AGAP1: variants seen among roughly 807,000 people sequenced by gnomAD.
AGAP1 encodes ArfGAP with GTPase domain, ankyrin repeat and PH domain 1, also known as arf-GAP with GTPase, ANK repeat and PH domain-containing protein 1.
AGAP1 carries 29 observed loss-of-function variants against 105.3 expected under a neutral mutation model. That is an observed-to-expected ratio of 0.28 (90% CI 0.21 to 0.38). The LOEUF (loss-of-function observed/expected upper bound fraction) is 0.38. AGAP1 is among the 10% of genes least tolerant of loss of function. The pLI, the probability that AGAP1 is intolerant of heterozygous loss-of-function variation, is 1.00. For synonymous variants in AGAP1, 509 were observed against 485.9 expected, an observed-to-expected ratio of 1.05 and a Z score of -0.63; for missense variants, 998 against 1,165.1, an observed-to-expected ratio of 0.86 and a Z score of 2.09.
rs148965437 is a variant in AGAP1 at position 235,747,992 on chromosome 2, G to A, written c.539-2362G>A. Among the ~76,000 whole-genome samples, 129 of 152,368 alleles carry A rather than the reference G, an allele frequency of 8.5e-4. 3 individuals carry two copies. In the East Asian group the frequency reaches 0.02, roughly 23 times the overall value. ...GAGCTCTTTCTGGGCAGTAGCCAAG[G>A]ACTGCACGAATGTTCATAATTGGGC... On this transcript the variant is annotated intron_variant, in intron 5 of 17. Coordinates refer to ENST00000304032, the MANE Select transcript of AGAP1 (RefSeq NM_001037131.3). The surrounding 1 kb of genome is among the most constrained non-coding windows in gnomAD (Gnocchi z 5.0).
chr2:235,513,296 A>G (rs1034344038), intron 1 of AGAP1, among the ~76,000 whole-genome samples: 1 of 151,948 alleles, frequency 6.6e-6, no homozygotes, highest in Admixed American at 6.6e-5. Flanking sequence ...TGAGGCGGGC[A>G]GATTGCTTGA....
chr2:235,997,437 T>C (rs1275738349), intron 13 of AGAP1, among the ~76,000 whole-genome samples: 8 of 152,244 alleles, frequency 5.3e-5, no homozygotes, highest in African/African-American at 1.9e-4. Flanking sequence ...TCATTCTAAA[T>C]TGCATTTCTA....
In AGAP1 at chr2:235,983,211, C is replaced by T. The variant is rs572041055; in HGVS notation, c.1645+14588C>T. Among the ~76,000 whole-genome samples, 1 of 152,118 alleles carries T rather than the reference C, an allele frequency of 6.6e-6. No individual in the cohort carries two copies. Among genetic ancestry groups the T allele is most frequent in the South Asian group, 2.1e-4 (1 of 4,804 alleles). On this transcript the variant is annotated intron_variant, in intron 13 of 17. Coordinates refer to ENST00000304032, the MANE Select transcript of AGAP1 (RefSeq NM_001037131.3). The surrounding 1 kb of genome is among the most constrained non-coding windows in gnomAD (Gnocchi z 4.5). ...TGGAAGTGCCCAGCAAGGGGAGCTG[C>T]AGGAGGGTCTCTTTACAGGTGTGCA...
At position 236,024,029 on chromosome 2, in the gene AGAP1, T is replaced by TG. The variant is rs369389985; in HGVS notation, c.1646-12532_1646-12531insG. 2.1e-3 allele frequency among the ~76,000 whole-genome samples: 237 copies of TG among 114,138 alleles called. 1 individual carries two copies. The highest frequency in any genetic ancestry group is 8.6e-3 in the African/African-American group (207 of 23,974). The allele number at this position is 114,138 out of a possible 152,430, so 74.9% of individuals were successfully genotyped here. ...GTAGTTTGTGGTTGGTTGTTTTTTT[T>TG]TTTTGTTTTTTTTTTTTTTTGGAGA... On this transcript the variant is annotated intron_variant, in intron 13 of 17. Transcript: ENST00000304032.
chr2:235,951,543 A>G lies in AGAP1; in HGVS notation c.1484-16919A>G, dbSNP rs1160226651. Among the ~76,000 whole-genome samples the G allele has an allele frequency of 3.9e-5, 6 of 152,202 alleles. No individual in the cohort carries two copies. On this transcript the variant is annotated intron_variant, in intron 12 of 17. Transcript: ENST00000304032. The surrounding 1 kb of genome is among the most constrained non-coding windows in gnomAD (Gnocchi z 4.2). Reference sequence around the variant, plus strand: ...ATTGCAGGGTTGGTTTAAGATTGCCATGACCACATATTAATAGTTGCACTG... The same window carrying G: ...ATTGCAGGGTTGGTTTAAGATTGCCGTGACCACATATTAATAGTTGCACTG...
chr2:235,853,087 C>T (rs1486713675), intron 9 of AGAP1: 6 of 1,231,350 alleles, frequency 4.9e-6, no homozygotes, highest in Non-Finnish European at 5.1e-6. Flanking sequence ...AATCAATGAG[C>T]GTTTACGCTC....
intron 16 of AGAP1, among the ~76,000 whole-genome samples, chr2:236,102,288 G>A (rs966097479): frequency 4.0e-5 from 6 of 149,996 alleles, no homozygotes; most frequent in African/African-American, 9.7e-5. Flanking sequence ...GTGGTGGCGG[G>A]TGCCTGTGGT....
rs985224492 is a variant in AGAP1 at position 235,963,412 on chromosome 2, G to A, written c.1484-5050G>A. ...TAAAGGGCTGCTTTGTGTGCACATA[G>A]AAAAGGAAACAGATGTATTTGAACA... is the stretch of plus-strand genomic sequence containing the variant. On this transcript the variant is annotated intron_variant, in intron 12 of 17. Transcript: ENST00000304032. The surrounding 1 kb of genome is among the most constrained non-coding windows in gnomAD (Gnocchi z 5.1). Among the ~76,000 whole-genome samples the A allele has an allele frequency of 3.3e-5, 5 of 152,278 alleles. No homozygotes were observed. The highest frequency in any genetic ancestry group is 3.4e-3 in the Middle Eastern group (1 of 294).
Position 236,036,837 on chromosome 2 carries a change from T to C in AGAP1, c.1800+122T>C. The C allele has an allele frequency of 1.4e-6, 2 of 1,422,614 alleles. No homozygotes were observed. The highest frequency in any genetic ancestry group is 1.9e-6 in the Non-Finnish European group (2 of 1,068,728). The allele number at this position is 1,422,614 out of a possible 1,614,324, so 88.1% of individuals were successfully genotyped here. A position where few individuals can be genotyped will look rare whatever the true frequency, so the allele number is the denominator to read the frequency against. On this transcript the variant is annotated intron_variant, in intron 14 of 17. Coordinates refer to ENST00000304032, the MANE Select transcript of AGAP1 (RefSeq NM_001037131.3). The surrounding 1 kb of genome is among the most constrained non-coding windows in gnomAD (Gnocchi z 5.7). ...GTGAATGACAGGACCTAGCTATTCT[T>C]TATGAGCAGAAAGCTCAATAACTAA...
chr2:235,919,194 C>T lies in AGAP1; in HGVS notation c.1324+10288C>T, dbSNP rs576103303. On this transcript the variant is annotated intron_variant, in intron 11 of 17. Transcript: ENST00000304032. The surrounding 1 kb of genome is among the most constrained non-coding windows in gnomAD (Gnocchi z 4.1). ...CCACCAGGGAGCCAGCTGCCAGCCC[C>T]GGGGGCCAGTGAGAACCGAGGCCTT... Among the ~76,000 whole-genome samples, 4 of 152,200 alleles carry T rather than the reference C, an allele frequency of 2.6e-5. No homozygotes were observed. Among genetic ancestry groups the T allele is most frequent in the Admixed American group, 6.5e-5 (1 of 15,290 alleles).
At position 235,686,546 on chromosome 2, in the gene AGAP1, GATATAT is replaced by G. The variant is rs72137817; in HGVS notation, c.164-22627_164-22622del. 6.4e-4 allele frequency among the ~76,000 whole-genome samples: 45 copies of G among 70,302 alleles called. 1 individual carries two copies. The highest frequency in any genetic ancestry group is 1.5e-3 in the African/African-American group (33 of 22,540). 46.1% of individuals were successfully genotyped at this position (70,302 alleles called of 152,430 possible). A position where few individuals can be genotyped will look rare whatever the true frequency, so the allele number is the denominator to read the frequency against. ...TCCGAATTCTGGTTCCCAGGAAGGA[GATATAT>G]ATATACACACACACACACACACACA... On this transcript the variant is annotated intron_variant, in intron 1 of 17. Coordinates refer to ENST00000304032, the MANE Select transcript of AGAP1 (RefSeq NM_001037131.3).
intron 16 of AGAP1, among the ~76,000 whole-genome samples, chr2:236,110,918 G>A (rs1042551483): frequency 7.2e-5 from 11 of 152,268 alleles, no homozygotes; most frequent in African/African-American, 1.4e-4. Flanking sequence ...CGGCAGATTC[G>A]GTGTCTGGTT....
Position 236,129,102 on chromosome 2 carries a change from A to C in AGAP1, c.*4980A>C, listed in dbSNP as rs1371211240. On this transcript the variant is annotated 3_prime_UTR_variant, in exon 18 of 18. Coordinates refer to ENST00000304032, the MANE Select transcript of AGAP1 (RefSeq NM_001037131.3). The surrounding 1 kb of genome is among the most constrained non-coding windows in gnomAD (Gnocchi z 6.2). ...TCATCCTTCCCCAAAAAGCTAAATA[A>C]GGGCCTTTGGCATCAATGCGTGCAT... is the stretch of plus-strand genomic sequence containing the variant. 2 of 152,200 alleles carry C rather than the reference A, an allele frequency of 1.3e-5. No homozygotes were observed. The highest frequency in any genetic ancestry group is 6.5e-5 in the Admixed American group (1 of 15,284). The allele number at this position is 152,200 out of a possible 1,614,324, so 9.4% of individuals were successfully genotyped here.
intron 13 of AGAP1, among the ~76,000 whole-genome samples, chr2:235,980,117 C>T (rs552068656): frequency 1.8e-4 from 27 of 152,280 alleles, no homozygotes; most frequent in African/African-American, 4.8e-4. Context: ...AGTGAAAGGA[C>T]GACCCTCCGT....
chr2:236,098,697 T>G (rs1313719760), intron 16 of AGAP1, among the ~76,000 whole-genome samples: 1 of 145,698 alleles, frequency 6.9e-6, no homozygotes, highest in Non-Finnish European at 1.5e-5. Context: ...CAAACATAGG[T>G]CACTGCCGCT....
In AGAP1 at chr2:235,866,344, C is replaced by A. The variant is rs2049168811; in HGVS notation, c.1051-17001C>A. The stretch of plus-strand genomic sequence containing the variant: ...CAGAATTCCCACCGAGGGAGACAAT[C>A]CGTGTGTGTGATCGGGGTGTTCTGG... On this transcript the variant is annotated intron_variant, in intron 9 of 17. Coordinates refer to ENST00000304032, the MANE Select transcript of AGAP1 (RefSeq NM_001037131.3). This position sits in a 1 kb window ranked among gnomAD's most constrained non-coding sequence, Gnocchi z 6.1. Among the ~76,000 whole-genome samples the A allele has an allele frequency of 6.6e-6, 1 of 152,132 alleles. No individual in the cohort carries two copies. Among genetic ancestry groups the A allele is most frequent in the Non-Finnish European group, 1.5e-5 (1 of 68,034 alleles).
At position 235,867,572 on chromosome 2, in the gene AGAP1, T is replaced by TGTGTGTGTGCGC. The variant is rs375110513; in HGVS notation, c.1051-15770_1051-15769insTGTGTGCGCGTG. ...GTGTGTGTGTGTGTGTGTGTGTGTG[T>TGTGTGTGTGCGC]GTGCAAGTGAGGGAGGGTGACCCCC... On this transcript the variant is annotated intron_variant, in intron 9 of 17. Transcript: ENST00000304032. This position sits in a 1 kb window ranked among gnomAD's most constrained non-coding sequence, Gnocchi z 5.4. Among the ~76,000 whole-genome samples, 7 of 148,490 alleles carry TGTGTGTGTGCGC rather than the reference T, an allele frequency of 4.7e-5. No homozygotes were observed. The East Asian group carries it at 1.2e-3, about 26-fold the overall frequency.
rs928797983 is a variant in AGAP1 at position 236,061,573 on chromosome 2, A to G, written c.2114+12292A>G. Among the ~76,000 whole-genome samples, 3 of 152,180 alleles carry G rather than the reference A, an allele frequency of 2.0e-5. No individual in the cohort carries two copies. Among genetic ancestry groups the G allele is most frequent in the Admixed American group, 1.3e-4 (2 of 15,276 alleles). ...TGTAACGTGGGTGAACCTCGAAGAC[A>G]TGATGCTAAAGGAAAGGAAGCAGGC... On this transcript the variant is annotated intron_variant, in intron 16 of 17. Transcript: ENST00000304032. This position sits in a 1 kb window ranked among gnomAD's most constrained non-coding sequence, Gnocchi z 4.1.
At chr2:236,093,171 C>T (rs562638977) in intron 16 of AGAP1, among the ~76,000 whole-genome samples, 1 of 152,298 alleles carries the variant, frequency 6.6e-6, no homozygotes, top group South Asian at 2.1e-4. Flanking sequence ...TTGGTTCAGT[C>T]AAGGATCATC....
Sources: gnomAD v4.1 joint callset for allele counts (sites outside exome capture counted in the v4.1 genomes callset) on GRCh38, gnomAD v4.1.1 for gene constraint, Gnocchi (gnomAD v3.1) non-coding constraint, MANE v1.5 for transcripts, NCBI Gene and HGNC (gene_info 2026-07-23, HGNC 2026-07-21) for gene names.